ADPRHL1: variants seen among roughly 807,000 people sequenced by gnomAD.
ADPRHL1 encodes ADP-ribosylhydrolase like 1.
ADPRHL1 carries 43 observed loss-of-function variants against 44.1 expected under a neutral mutation model. The ratio of observed to expected loss-of-function variants is 0.98; its 90% CI spans 0.76 to 1.26. The LOEUF is 1.26. Ranked by LOEUF, ADPRHL1 falls within the 50% of genes most tolerant of loss-of-function variation. The pLI is 0.00. For missense variants in ADPRHL1, 2,022 were observed against 2,496.9 expected (o/e 0.81, Z 4.05); for synonymous variants, 878 against 1,017.4 (o/e 0.86, Z 2.61).
Position 113,429,002 on chromosome 13 carries a change from G to A in ADPRHL1, c.596C>T (p.Ala199Val), listed in dbSNP as rs181386121. 2.5e-6 allele frequency: 4 copies of A among 1,612,806 alleles called. No homozygotes were observed. The highest frequency in any genetic ancestry group is 2.2e-5 in the East Asian group (1 of 44,872). Residue 199 changes from alanine to valine, a missense_variant, in exon 4 of 8, where the codon GCG (alanine) becomes GTG (valine). Ala to Val is a moderately conservative substitution (Grantham distance 64). Around this residue, in one of 8 missense-constraint regions of ADPRHL1, gnomAD observed 437 missense variants for 430.7 expected, o/e 1.01. Transcript: ENST00000612156. Reference protein sequence around the residue: ...LVQWGRDMLRAVPLAEEYCRK... With the variant: ...LVQWGRDMLRVVPLAEEYCRK... ...GCAGTACTCTTCTGCCAGAGGCACC[G>A]CCCGCAGCATGTCTCTCCCCCACTG...
At chr13:113,428,909 A>C in intron 4 of ADPRHL1, 43 bp downstream of exon 4, 1 of 1,609,518 alleles carries the variant, frequency 6.2e-7, no homozygotes, top group Non-Finnish European at 8.5e-7. Context: ...GGATCTGTCC[A>C]GATCTGCTCT....
Position 113,453,323 on chromosome 13 carries a change from GT to G in ADPRHL1, c.114del (p.Gln38HisfsTer18), listed in dbSNP as rs1323633826. 1 of 1,614,190 alleles carries G rather than the reference GT, an allele frequency of 6.2e-7. No individual in the cohort carries two copies. Among genetic ancestry groups the G allele is most frequent in the East Asian group, 2.2e-5 (1 of 44,880 alleles). On this transcript the variant is annotated frameshift_variant, in exon 1 of 8. Transcript: ENST00000612156. LOFTEE classifies it high-confidence loss of function. The surrounding 1 kb of genome is among the most constrained non-coding windows in gnomAD (Gnocchi z 5.4). ...TVGMKIQEEL[Q>X]RSGGLDHLVL... Reference sequence around the variant, plus strand: ...ACGAGGTGGTCCAGGCCCCCGGAACGTTGCAGCTCCTCCTGGATCTTCATGC... The same window carrying G: ...ACGAGGTGGTCCAGGCCCCCGGAACGTGCAGCTCCTCCTGGATCTTCATGC...
intron 1 of ADPRHL1, among the ~76,000 whole-genome samples, chr13:113,447,423 G>C (rs926116674): frequency 6.6e-6 from 1 of 151,300 alleles, no homozygotes; most frequent in Admixed American, 6.6e-5. Flanking sequence ...GGTGTTGTGT[G>C]TGCATGGTGT....
chr13:113,418,396 A>G (rs976595077), intron 7 of ADPRHL1, among the ~76,000 whole-genome samples: 2 of 152,198 alleles, frequency 1.3e-5, no homozygotes, highest in Non-Finnish European at 2.9e-5. Context: ...CTGCCCACTC[A>G]AGTCACCGAG....
intron 7 of ADPRHL1, among the ~76,000 whole-genome samples, chr13:113,413,535 T>C (rs1419435128): frequency 6.6e-6 from 1 of 152,222 alleles, no homozygotes; most frequent in Non-Finnish European, 1.5e-5. Flanking sequence ...CGAGGCGCCC[T>C]GTGATCGGGG....
rs2043774477 is a variant in ADPRHL1, at chr13:113,403,056, G to T, written c.*322C>A. ...CACACCGTGCCACTGCGGGAGGTGT[G>T]AGCTCCACGCTGCAGGCTGTGTGAG... On this transcript the variant is annotated 3_prime_UTR_variant, in exon 8 of 8. Coordinates refer to ENST00000612156, the MANE Select transcript of ADPRHL1 (RefSeq NM_001394807.1). 1 of 209,422 alleles carries T rather than the reference G, an allele frequency of 4.8e-6. No homozygotes were observed. Among genetic ancestry groups the T allele is most frequent in the African/African-American group, 2.3e-5 (1 of 43,524 alleles). 13.0% of individuals were successfully genotyped at this position (209,422 alleles called of 1,614,324 possible). A position where few individuals can be genotyped will look rare whatever the true frequency, so the allele number is the denominator to read the frequency against.
At position 113,405,342 on chromosome 13, in the gene ADPRHL1, G is replaced by A. The variant is rs992050089; in HGVS notation, c.3940C>T (p.Leu1314Phe). ...ACCTCCGCGGGAGGCACTGCGGGAA[G>A]CAGATGGTCAGGCTCCGCCCCACGG... ...FPRGAEPDHL[L>F]PAVPPAEVDM... The change falls in exon 8 of 8, where the codon CTT becomes TTT. Residue 1314 changes from leucine (L) to phenylalanine (F), a missense_variant. Coordinates refer to ENST00000612156, the MANE Select transcript of ADPRHL1 (RefSeq NM_001394807.1). The A allele has an allele frequency of 8.0e-5, 98 of 1,231,842 alleles. No individual in the cohort carries two copies. Among genetic ancestry groups the A allele is most frequent in the Non-Finnish European group, 9.1e-5 (90 of 988,062 alleles). The allele number at this position is 1,231,842 out of a possible 1,614,324, so 76.3% of individuals were successfully genotyped here. A position where few individuals can be genotyped will look rare whatever the true frequency, so the allele number is the denominator to read the frequency against.
chr13:113,406,552 C>T lies in ADPRHL1; in HGVS notation c.2730G>A (p.Ala910=), dbSNP rs953279035. 3.8e-5 allele frequency: 47 copies of T among 1,231,954 alleles called. No homozygotes were observed. Among genetic ancestry groups the T allele is most frequent in the African/African-American group, 6.2e-5 (4 of 64,426 alleles). The allele number at this position is 1,231,954 out of a possible 1,614,324, so 76.3% of individuals were successfully genotyped here. A position where few individuals can be genotyped will look rare whatever the true frequency, so the allele number is the denominator to read the frequency against. Residue 910 remains alanine (A), a synonymous_variant, in exon 8 of 8, where the codon GCG becomes GCA. Coordinates refer to ENST00000612156, the MANE Select transcript of ADPRHL1 (RefSeq NM_001394807.1). The part of the protein sequence containing the change: ...VELSKLSGMQ[A]GLSASSPQGP... ...CCTGCGGCGAAGAGGCGCTGAGTCC[C>T]GCCTGCATCCCTGAAAGCTTGCTCA...
Position 113,407,858 on chromosome 13 carries a change from A to G in ADPRHL1, c.1424T>C (p.Leu475Pro). Residue 475 changes from leucine to proline, a missense_variant, in exon 8 of 8, where the codon CTG becomes CCG. Leu to Pro is a moderately conservative substitution (Grantham distance 98). This residue lies in a region of ADPRHL1 where 1,221 missense variants were observed against 1,517.8 expected (regional missense o/e 0.80). Transcript: ENST00000612156. ...GLVGATINKL[L>P]EKTKEPAPKP... ...TGGGGCCGGCTCCTTGGTCTTCTCC[A>G]GGAGCTTGTTGATGGTGGCACCCAC... 1 of 1,231,824 alleles carries G rather than the reference A, an allele frequency of 8.1e-7. No homozygotes were observed. The highest frequency in any genetic ancestry group is 1.0e-6 in the Non-Finnish European group (1 of 987,970). The allele number at this position is 1,231,824 out of a possible 1,614,324, so 76.3% of individuals were successfully genotyped here.
chr13:113,415,109 G>C (rs547144643), intron 7 of ADPRHL1, among the ~76,000 whole-genome samples: 12 of 152,310 alleles, frequency 7.9e-5, no homozygotes, highest in African/African-American at 2.9e-4. Flanking sequence ...GGGAGGGGCC[G>C]TTTGGCAGCT....
chr13:113,427,141 G>A (rs1218604983), intron 4 of ADPRHL1, among the ~76,000 whole-genome samples: 2 of 152,240 alleles, frequency 1.3e-5, no homozygotes, highest in Admixed American at 1.3e-4. Context: ...CTGAAGAACA[G>A]TCAGAAACAT....
chr13:113,416,950 G>A (rs1242489669), intron 7 of ADPRHL1, among the ~76,000 whole-genome samples: 1 of 152,212 alleles, frequency 6.6e-6, no homozygotes, highest in African/African-American at 2.4e-5. Flanking sequence ...GAGAGATGAG[G>A]GAAAATATTA....
rs970126707 is a variant in ADPRHL1, at chr13:113,429,092, C to G, written c.506G>C (p.Gly169Ala). ...CGRMTHNHPT[G>A]FLGSLCTALF... Reference sequence around the variant, plus strand: ...GGCCGTGCACAGGGAGCCCAGGAAGCCTGGAGGGCAGGGAAGAGAGAGGGG... The same window carrying G: ...GGCCGTGCACAGGGAGCCCAGGAAGGCTGGAGGGCAGGGAAGAGAGAGGGG... Residue 169 changes from glycine (G) to alanine (A), a missense_variant and splice_region_variant, in exon 4 of 8, where the codon GGC becomes GCC. Physicochemically the swap from Gly to Ala is moderately conservative, Grantham distance 60 (BLOSUM62 0). Around this residue, in one of 8 missense-constraint regions of ADPRHL1, gnomAD observed 437 missense variants for 430.7 expected, o/e 1.01. Coordinates refer to ENST00000612156, the MANE Select transcript of ADPRHL1 (RefSeq NM_001394807.1). The G allele has an allele frequency of 6.3e-6, 10 of 1,599,224 alleles. No individual in the cohort carries two copies. In the African/African-American group the frequency reaches 9.6e-5, roughly 15 times the overall value.
In ADPRHL1 at chr13:113,401,564, CACGCCAAGCAGAA is replaced by C. The variant is rs1195369724; in HGVS notation, c.*1801_*1813del. The C allele has an allele frequency of 5.2e-5, 8 of 152,388 alleles. No individual in the cohort carries two copies. Among genetic ancestry groups the C allele is most frequent in the African/African-American group, 1.9e-4 (8 of 41,530 alleles). The allele number at this position is 152,388 out of a possible 1,614,324, so 9.4% of individuals were successfully genotyped here. ...CACAGCAGCTCGCACTTAGAACCCA[CACGCCAAGCAGAA>C]ACCCCTCGAAGCGGGCTGGGAGCAC... On this transcript the variant is annotated 3_prime_UTR_variant, in exon 8 of 8. Coordinates refer to ENST00000612156, the MANE Select transcript of ADPRHL1 (RefSeq NM_001394807.1). This position sits in a 1 kb window ranked among gnomAD's most constrained non-coding sequence, Gnocchi z 5.5.
chr13:113,414,696 G>A (rs532201551), intron 7 of ADPRHL1, among the ~76,000 whole-genome samples: 194 of 144,956 alleles, frequency 1.3e-3, no homozygotes, highest in African/African-American at 4.5e-3. Flanking sequence ...TTTTTTTTTA[G>A]ATGGAGTCTT....
chr13:113,434,382 C>T (rs2044031362), intron 2 of ADPRHL1, among the ~76,000 whole-genome samples: 2 of 147,524 alleles, frequency 1.4e-5, no homozygotes, highest in South Asian at 2.1e-4. Flanking sequence ...TACCCTGGGA[C>T]CCAGCACCCA....
chr13:113,448,179 T>C (rs1335575622), intron 1 of ADPRHL1, among the ~76,000 whole-genome samples: 1 of 152,086 alleles, frequency 6.6e-6, no homozygotes, highest in African/African-American at 2.4e-5. Flanking sequence ...TCTGGTCTCC[T>C]GAAAGACAAA....
rs545695337 is a variant in ADPRHL1 at position 113,409,845 on chromosome 13, C to T, written c.1062-1625G>A. The T allele has an allele frequency of 2.4e-6, 2 of 846,794 alleles. No homozygotes were observed. The allele number at this position is 846,794 out of a possible 1,614,324, so 52.5% of individuals were successfully genotyped here. A position where few individuals can be genotyped will look rare whatever the true frequency, so the allele number is the denominator to read the frequency against. ...CAGAGCTTGCAGTGAGCCGAGATCG[C>T]ACCACTGCACTCCAGCCTGAGCGAC... On this transcript the variant is annotated intron_variant, in intron 7 of 7. Transcript: ENST00000612156. The surrounding 1 kb of genome is among the most constrained non-coding windows in gnomAD (Gnocchi z 4.2).
At position 113,412,155 on chromosome 13, in the gene ADPRHL1, C is replaced by T. The variant is rs368694241; in HGVS notation, c.1062-3935G>A. Among the ~76,000 whole-genome samples, 30 of 152,232 alleles carry T rather than the reference C, an allele frequency of 2.0e-4. No homozygotes were observed. The Middle Eastern group carries it at 0.01, about 52-fold the overall frequency. ...GTGTGCTGCTGCTGCTGGCACATCC[C>T]GGGTGACTACTGTCACAGCACTATA... On this transcript the variant is annotated intron_variant, in intron 7 of 7. Transcript: ENST00000612156.
Sources: gnomAD v4.1 joint callset for allele counts (sites outside exome capture counted in the v4.1 genomes callset) on GRCh38, gnomAD v4.1.1 for gene constraint, gnomAD v4.1.1 regional missense constraint, Gnocchi (gnomAD v3.1) non-coding constraint, MANE v1.5 for transcripts, NCBI Gene and HGNC (gene_info 2026-07-23, HGNC 2026-07-21) for gene names.